The following TNNI3K variants were observed in gnomAD, a reference collection of about 807,000 sequenced individuals.
The protein encoded by TNNI3K is serine/threonine-protein kinase TNNI3K.
Under a neutral mutation model 114.5 loss-of-function variants are expected in TNNI3K, and 140 were observed. The observed-to-expected ratio is 1.22, with a 90% CI of 1.07 to 1.41. The LOEUF is 1.41. Ranked by LOEUF, TNNI3K falls within the 40% of genes most tolerant of loss-of-function variation. TNNI3K has a pLI of 0.00. For missense variants in TNNI3K, 1,125 were observed against 1,007.6 expected (o/e 1.12, Z -1.58); for synonymous variants, 347 against 347.5 (o/e 1.00, Z 0.02).
chr1:74,277,801 T>A (rs1387087907), intron 5 of TNNI3K, among the ~76,000 whole-genome samples: 1 of 152,184 alleles, frequency 6.6e-6, no homozygotes, highest in East Asian at 1.9e-4. Context: ...TACAGAAAAG[T>A]GTACTTTCAT....
chr1:74,433,943 T>A (rs1209012418), intron 17 of TNNI3K, among the ~76,000 whole-genome samples: 2 of 152,042 alleles, frequency 1.3e-5, no homozygotes, highest in Non-Finnish European at 2.9e-5. Flanking sequence ...TTGTTGTTGT[T>A]GTTGTCTTTT....
chr1:74,249,829 G>A (rs1459455274), intron 3 of TNNI3K, among the ~76,000 whole-genome samples: 1 of 152,014 alleles, frequency 6.6e-6, no homozygotes, highest in African/African-American at 2.4e-5. Flanking sequence ...TGCCAGTCAG[G>A]GATTAACTTA....
chr1:74,334,491 C>T (rs146879975), intron 6 of TNNI3K, among the ~76,000 whole-genome samples: 106 of 152,286 alleles, frequency 7.0e-4, no homozygotes, highest in African/African-American at 2.5e-3. Flanking sequence ...GGCATCCTAA[C>T]TTAACCTTAG....
chr1:74,525,041 G>T (rs1646485717), intron 23 of TNNI3K, among the ~76,000 whole-genome samples: 1 of 152,114 alleles, frequency 6.6e-6, no homozygotes, highest in African/African-American at 2.4e-5. Context: ...GCTGGACACT[G>T]GGGAAAGAGA....
chr1:74,339,406 T>A (rs1392915718), intron 7 of TNNI3K, among the ~76,000 whole-genome samples: 1 of 152,140 alleles, frequency 6.6e-6, no homozygotes, highest in Non-Finnish European at 1.5e-5. Context: ...CAATGGACAC[T>A]GTGCAGGACT....
intron 17 of TNNI3K, among the ~76,000 whole-genome samples, chr1:74,416,726 T>C (rs550585200): frequency 2.6e-5 from 4 of 152,272 alleles, no homozygotes; most frequent in African/African-American, 9.6e-5. Context: ...GCCCGTACGA[T>C]TTAATTTTGT....
intron 21 of TNNI3K, chr1:74,480,658 C>A (rs1164030905): frequency 4.2e-6 from 3 of 717,136 alleles, no homozygotes; most frequent in South Asian, 3.0e-5. Flanking sequence ...GGAGCCGGGT[C>A]AGGCCGCTTG....
intron 17 of TNNI3K, among the ~76,000 whole-genome samples, chr1:74,405,286 A>G (rs913538679): frequency 6.6e-6 from 1 of 152,178 alleles, no homozygotes; most frequent in African/African-American, 2.4e-5. Flanking sequence ...ATCAAAGAAT[A>G]TAGATATGAG....
intron 17 of TNNI3K, among the ~76,000 whole-genome samples, chr1:74,380,735 G>A (rs545525740): frequency 8.4e-4 from 128 of 152,240 alleles, no homozygotes; most frequent in African/African-American, 3.0e-3. Flanking sequence ...GAGGCACTGT[G>A]AATGCCCTCT....
At chr1:74,452,767 T>C (rs908508830) in intron 20 of TNNI3K, among the ~76,000 whole-genome samples, 3 of 152,162 alleles carry the variant, frequency 2.0e-5, no homozygotes, top group African/African-American at 7.2e-5. Flanking sequence ...CTTATGATTA[T>C]GTCCCTGCCT....
intron 4 of TNNI3K, among the ~76,000 whole-genome samples, chr1:74,257,302 C>G (rs1655373846): frequency 6.6e-6 from 1 of 152,094 alleles, no homozygotes. Flanking sequence ...TCCATATTTT[C>G]CTTCAAGGTT....
At chr1:74,526,275 T>G (rs988767704) in intron 23 of TNNI3K, among the ~76,000 whole-genome samples, 2 of 152,106 alleles carry the variant, frequency 1.3e-5, no homozygotes, top group South Asian at 4.1e-4. Flanking sequence ...GCCTTTGAAC[T>G]TTCCTCAATC....
chr1:74,278,704 T>C (rs2100242465), intron 5 of TNNI3K, among the ~76,000 whole-genome samples: 1 of 152,292 alleles, frequency 6.6e-6, no homozygotes, highest in East Asian at 1.9e-4. Flanking sequence ...CAAAATCTAA[T>C]TTTAGAATAT....
At chr1:74,309,111 G>A (rs1027276224) in intron 5 of TNNI3K, among the ~76,000 whole-genome samples, 2 of 152,070 alleles carry the variant, frequency 1.3e-5, no homozygotes, top group Admixed American at 6.6e-5. Context: ...GCTCACGCCT[G>A]TAATCCCAGC....
chr1:74,391,825 G>T, intron 17 of TNNI3K, among the ~76,000 whole-genome samples: 1 of 152,244 alleles, frequency 6.6e-6, no homozygotes, highest in East Asian at 1.9e-4. Context: ...GCAGCAAATG[G>T]TGCTATGGGA....
intron 17 of TNNI3K, among the ~76,000 whole-genome samples, chr1:74,388,454 G>C (rs1663601668): frequency 6.6e-6 from 1 of 152,112 alleles, no homozygotes; most frequent in Non-Finnish European, 1.5e-5. Context: ...GAAAGTAATA[G>C]TCCAAGGTCA....
intron 23 of TNNI3K, among the ~76,000 whole-genome samples, chr1:74,511,435 T>G (rs907446978): frequency 6.6e-6 from 1 of 152,174 alleles, no homozygotes; most frequent in Admixed American, 6.5e-5. Context: ...TGACCTCAAG[T>G]AATTCACTCT....
chr1:74,536,240 C>T (rs192045502), intron 23 of TNNI3K, among the ~76,000 whole-genome samples: 2 of 152,208 alleles, frequency 1.3e-5, no homozygotes, highest in Admixed American at 1.3e-4. Flanking sequence ...CATGTCTTTA[C>T]CTAGGGTGCA....
chr1:74,506,885 G>A (rs775478930), intron 23 of TNNI3K, among the ~76,000 whole-genome samples: 3 of 151,842 alleles, frequency 2.0e-5, no homozygotes, highest in Non-Finnish European at 2.9e-5. Flanking sequence ...CTGTCTTCTC[G>A]GAAAAGATTT....
Sources: gnomAD v4.1 joint callset for allele counts (sites outside exome capture counted in the v4.1 genomes callset) on GRCh38, gnomAD v4.1.1 for gene constraint, MANE v1.5 for transcripts, NCBI Gene and HGNC (gene_info 2026-07-23, HGNC 2026-07-21) for gene names.